The following CD96 variants were observed in gnomAD, a reference collection of about 807,000 sequenced individuals.
The protein encoded by CD96 is CD96 molecule, also known as T-cell surface protein tactile.
CD96 carries 70 observed loss-of-function variants against 71.3 expected under a neutral mutation model. The ratio of observed to expected loss-of-function variants is 0.98; its 90% CI spans 0.81 to 1.20. The LOEUF is 1.20. Among genes scored for constraint, CD96 ranks in the 50% most tolerant of loss-of-function variants. The pLI, the probability that CD96 is intolerant of heterozygous loss-of-function variation, is 0.00. For missense variants in CD96, 742 were observed against 677.5 expected (o/e 1.10, Z -1.06); for synonymous variants, 248 against 233.0 (o/e 1.06, Z -0.59).
chr3:111,608,295 C>T (rs1337286994), intron 8 of CD96, among the ~76,000 whole-genome samples: 2 of 152,184 alleles, frequency 1.3e-5, no homozygotes, highest in Non-Finnish European at 2.9e-5. Context: ...GCCATATTGC[C>T]TTTTTATGGC....
chr3:111,636,486 AG>A (rs1939334626), intron 10 of CD96, among the ~76,000 whole-genome samples: 1 of 152,238 alleles, frequency 6.6e-6, no homozygotes, highest in African/African-American at 2.4e-5. Context: ...ATTGCACTGC[AG>A]GCCTTTTATC....
chr3:111,664,439 A>G (rs143692350), intron 14 of CD96, among the ~76,000 whole-genome samples: 1 of 152,246 alleles, frequency 6.6e-6, no homozygotes, highest in Non-Finnish European at 1.5e-5. Flanking sequence ...GTTCTCACTT[A>G]TAAGTGGGAG....
At chr3:111,581,262 C>T (rs1022262586) in intron 4 of CD96, among the ~76,000 whole-genome samples, 6 of 152,050 alleles carry the variant, frequency 3.9e-5, no homozygotes, top group African/African-American at 7.2e-5. Flanking sequence ...ATTGGCTGGG[C>T]GGGTTGTGTT....
intron 7 of CD96, among the ~76,000 whole-genome samples, chr3:111,602,661 TC>T (rs1559750211): frequency 6.6e-6 from 1 of 152,158 alleles, no homozygotes; most frequent in Non-Finnish European, 1.5e-5. Flanking sequence ...AACACTTACT[TC>T]CACACAGGCT....
chr3:111,587,368 T>C (rs1936762857), intron 5 of CD96, among the ~76,000 whole-genome samples: 1 of 152,128 alleles, frequency 6.6e-6, no homozygotes, highest in African/African-American at 2.4e-5. Flanking sequence ...GTAGTCCTCT[T>C]CTCACATCTC....
chr3:111,580,673 C>T (rs183464373), intron 4 of CD96, among the ~76,000 whole-genome samples: 280 of 152,212 alleles, frequency 1.8e-3, no homozygotes, highest in Middle Eastern at 0.017. Flanking sequence ...CTGTCCTCCC[C>T]TTCCCTCTGC....
chr3:111,556,237 G>T (rs891221214), intron 2 of CD96, among the ~76,000 whole-genome samples: 10 of 24,962 alleles, frequency 4.0e-4, no homozygotes, highest in African/African-American at 1.1e-3. Context: ...AAGTTTTAGG[G>T]TACATGTGCA....
chr3:111,624,516 C>T (rs1015309607), intron 10 of CD96, 112 bp downstream of exon 10: 6 of 749,548 alleles, frequency 8.0e-6, no homozygotes, highest in African/African-American at 3.5e-5. Flanking sequence ...CAAATGTTCA[C>T]AAAGCATCTA....
At chr3:111,566,368 A>G (rs928524158) in intron 2 of CD96, among the ~76,000 whole-genome samples, 7 of 152,112 alleles carry the variant, frequency 4.6e-5, no homozygotes, top group African/African-American at 1.7e-4. Context: ...AAAGAGCATA[A>G]TGATTCAATA....
chr3:111,577,779 C>T (rs1936285391), intron 3 of CD96, among the ~76,000 whole-genome samples: 1 of 152,158 alleles, frequency 6.6e-6, no homozygotes, highest in Non-Finnish European at 1.5e-5. Context: ...AATGTGGTTT[C>T]CATTTCTTGT....
chr3:111,661,133 G>A (rs1281006712), intron 14 of CD96, among the ~76,000 whole-genome samples: 4 of 152,198 alleles, frequency 2.6e-5, no homozygotes, highest in South Asian at 2.1e-4. Context: ...TTCACATGGC[G>A]GCAGGAGTGA....
chr3:111,630,005 C>A (rs1458216029), intron 10 of CD96, among the ~76,000 whole-genome samples: 1 of 152,136 alleles, frequency 6.6e-6, no homozygotes, highest in African/African-American at 2.4e-5. Flanking sequence ...TGGGACACAG[C>A]TAAAGCAGTG....
At chr3:111,621,402 A>G (rs1938513183) in intron 8 of CD96, among the ~76,000 whole-genome samples, 2 of 152,220 alleles carry the variant, frequency 1.3e-5, no homozygotes, top group African/African-American at 4.8e-5. Context: ...TTCATTAGGA[A>G]GAGCCTATCA....
At chr3:111,607,332 A>G (rs1437048347) in intron 8 of CD96, among the ~76,000 whole-genome samples, 2 of 152,206 alleles carry the variant, frequency 1.3e-5, no homozygotes, top group African/African-American at 4.8e-5. Context: ...TTCTGGTTCA[A>G]ATTAATGTTG....
chr3:111,567,468 C>T, intron 2 of CD96, 55 bp from the exon 3 acceptor site: 1 of 1,494,280 alleles, frequency 6.7e-7, no homozygotes. Context: ...TGATAAAAAG[C>T]ACTTTACAAA....
At chr3:111,661,557 G>A (rs950409787) in intron 14 of CD96, among the ~76,000 whole-genome samples, 1 of 152,184 alleles carries the variant, frequency 6.6e-6, no homozygotes, top group Non-Finnish European at 1.5e-5. Flanking sequence ...ACAGATGTTG[G>A]GTAAATGCTC....
intron 2 of CD96, among the ~76,000 whole-genome samples, chr3:111,545,994 T>C (rs1934376691): frequency 8.1e-6 from 1 of 123,760 alleles, no homozygotes; most frequent in Admixed American, 8.7e-5. Context: ...TGTATTTGTG[T>C]TGTTTAAAAA....
At chr3:111,637,119 A>T (rs1444716472) in intron 10 of CD96, 77 bp from the exon 11 acceptor site, 3 of 792,402 alleles carry the variant, frequency 3.8e-6, no homozygotes, top group Non-Finnish European at 6.8e-6. Flanking sequence ...TTTTATAATT[A>T]TTAGATTAAA....
intron 7 of CD96, among the ~76,000 whole-genome samples, chr3:111,604,680 A>G (rs1352273411): frequency 6.6e-6 from 1 of 152,250 alleles, no homozygotes; most frequent in Non-Finnish European, 1.5e-5. Context: ...TGAAATGTTC[A>G]ATCAATGAAA....
Sources: gnomAD v4.1 joint callset for allele counts (sites outside exome capture counted in the v4.1 genomes callset) on GRCh38, gnomAD v4.1.1 for gene constraint, MANE v1.5 for transcripts, NCBI Gene and HGNC (gene_info 2026-07-23, HGNC 2026-07-21) for gene names.